The following LPAR3 variants were observed in gnomAD, a reference collection of about 807,000 sequenced individuals.
The protein encoded by LPAR3 is lysophosphatidic acid receptor 3.
In LPAR3, 7 loss-of-function variants were observed where a neutral mutation model predicts 17.8. The observed-to-expected ratio is 0.39, with a 90% CI of 0.22 to 0.74. LPAR3 has a LOEUF of 0.74. LPAR3 is among the 30% of genes least tolerant of loss of function. LPAR3 has a pLI of 0.40. For missense variants in LPAR3, 391 were observed against 453.4 expected, an observed-to-expected ratio of 0.86 and a Z score of 1.25; for synonymous variants, 179 against 179.9, an observed-to-expected ratio of 0.99 and a Z score of 0.04.
intron 2 of LPAR3, among the ~76,000 whole-genome samples, chr1:84,834,445 G>A (rs529142747): frequency 1.3e-5 from 2 of 152,306 alleles, no homozygotes; most frequent in South Asian, 2.1e-4. Flanking sequence ...GAGCAGAAGT[G>A]ATGTTACTAT....
chr1:84,850,226 C>A (rs1659674897), intron 2 of LPAR3, among the ~76,000 whole-genome samples: 1 of 151,732 alleles, frequency 6.6e-6, no homozygotes, highest in Admixed American at 6.6e-5. Flanking sequence ...GGAACCCCCT[C>A]CCATGTAACC....
chr1:84,851,183 T>C (rs969693747), intron 2 of LPAR3, among the ~76,000 whole-genome samples: 1 of 152,248 alleles, frequency 6.6e-6, no homozygotes, highest in Non-Finnish European at 1.5e-5. Context: ...AAATCCCTTT[T>C]TTCTCAATAG....
chr1:84,866,077 T>C lies in LPAR3; in HGVS notation c.44A>G (p.Asn15Ser), dbSNP rs1308366812. Reference sequence around the variant, plus strand: ...ATCGACAGTATCAGTGTTGCTCCTATTATAAAAAAAGTCCATGTGCTTGTC... The same window carrying C: ...ATCGACAGTATCAGTGTTGCTCCTACTATAAAAAAAGTCCATGTGCTTGTC... ...HYDKHMDFFY[N>S]RSNTDTVDDW... Residue 15 changes from asparagine to serine, a missense_variant, in exon 2 of 3, where the codon AAT (asparagine) becomes AGT (serine). Asn to Ser is a conservative substitution (Grantham distance 46). Transcript: ENST00000370611. The C allele has an allele frequency of 8.1e-6, 13 of 1,602,234 alleles. No homozygotes were observed. The highest frequency in any genetic ancestry group is 1.7e-4 in the Middle Eastern group (1 of 5,994).
intron 2 of LPAR3, among the ~76,000 whole-genome samples, chr1:84,826,809 C>G (rs1232606801): frequency 6.6e-6 from 1 of 152,134 alleles, no homozygotes; most frequent in African/African-American, 2.4e-5. Flanking sequence ...ATGATTTTTA[C>G]CTCTTCCTTA....
intron 2 of LPAR3, among the ~76,000 whole-genome samples, chr1:84,852,680 T>A (rs1190879521): frequency 6.6e-6 from 1 of 151,904 alleles, no homozygotes; most frequent in African/African-American, 2.4e-5. Flanking sequence ...TAAAATCACC[T>A]GGAAAGAACT....
At chr1:84,868,660 T>C (rs1660101040) in intron 1 of LPAR3, among the ~76,000 whole-genome samples, 2 of 152,098 alleles carry the variant, frequency 1.3e-5, no homozygotes, top group African/African-American at 4.8e-5. Flanking sequence ...GGGAAGTGAA[T>C]GGGATTAGTG....
chr1:84,864,999 C>G (rs1396588958), intron 2 of LPAR3, among the ~76,000 whole-genome samples: 1 of 151,982 alleles, frequency 6.6e-6, no homozygotes, highest in African/African-American at 2.4e-5. Flanking sequence ...CCCCAGACAC[C>G]AGTATGGTTC....
At chr1:84,858,778 T>A (rs1352640535) in intron 2 of LPAR3, among the ~76,000 whole-genome samples, 1 of 152,190 alleles carries the variant, frequency 6.6e-6, no homozygotes, top group Non-Finnish European at 1.5e-5. Flanking sequence ...GTCCCTGACT[T>A]CGAAGGGTGT....
intron 2 of LPAR3, among the ~76,000 whole-genome samples, chr1:84,833,162 A>G: frequency 6.6e-6 from 1 of 152,302 alleles, no homozygotes; most frequent in East Asian, 1.9e-4. Flanking sequence ...AAACTGTGGA[A>G]CTAAAGATAT....
chr1:84,839,762 G>C (rs2102753916), intron 2 of LPAR3, among the ~76,000 whole-genome samples: 1 of 152,316 alleles, frequency 6.6e-6, no homozygotes, highest in African/African-American at 2.4e-5. Flanking sequence ...CAGGACCAAA[G>C]TGCACTCAAA....
chr1:84,850,854 T>C (rs188627534), intron 2 of LPAR3, among the ~76,000 whole-genome samples: 19 of 152,300 alleles, frequency 1.2e-4, no homozygotes, highest in East Asian at 9.7e-4. Context: ...CCAGGTGACA[T>C]AGAACGAGTT....
intron 1 of LPAR3, among the ~76,000 whole-genome samples, chr1:84,886,111 A>G (rs372139532): frequency 3.9e-5 from 6 of 152,206 alleles, no homozygotes; most frequent in African/African-American, 1.4e-4. Flanking sequence ...TACAATTCTC[A>G]TATTGCATAT....
At chr1:84,853,236 A>T (rs10127586) in intron 2 of LPAR3, among the ~76,000 whole-genome samples, 8,618 of 152,256 alleles carry the variant, frequency 0.057, 307 homozygotes, top group African/African-American at 0.092. Context: ...AAGCAAGAAT[A>T]AGGACAAGAG....
At chr1:84,872,465 C>G (rs1570899474) in intron 1 of LPAR3, among the ~76,000 whole-genome samples, 1 of 152,018 alleles carries the variant, frequency 6.6e-6, no homozygotes, top group African/African-American at 2.4e-5. Context: ...GTATGAACAC[C>G]AGAAACAAAG....
chr1:84,848,928 G>A (rs17369401), intron 2 of LPAR3, among the ~76,000 whole-genome samples: 19,058 of 152,112 alleles, frequency 0.13, 1,401 homozygotes, highest in Middle Eastern at 0.24. Flanking sequence ...AACTCAGTAC[G>A]TCTCTGGAGC....
rs140917406 is a variant in LPAR3, at chr1:84,852,276, T to G, written c.736+13109A>C. On this transcript the variant is annotated intron_variant, in intron 2 of 2. Coordinates refer to ENST00000370611, the MANE Select transcript of LPAR3 (RefSeq NM_012152.3). ...TTTTGTATTTTTAGTAGATGGGGTT[T>G]CACCATGTTGGCCAGGATGGTCTCG... is the stretch of plus-strand genomic sequence containing the variant. 2.7e-3 allele frequency among the ~76,000 whole-genome samples: 413 copies of G among 152,244 alleles called. 4 individuals are homozygous for G. Among genetic ancestry groups the G allele is most frequent in the South Asian group, 0.014 (67 of 4,818 alleles).
At chr1:84,823,547 T>A (rs921325356) in intron 2 of LPAR3, among the ~76,000 whole-genome samples, 1 of 152,178 alleles carries the variant, frequency 6.6e-6, no homozygotes, top group African/African-American at 2.4e-5. Flanking sequence ...TTTAGATACT[T>A]GTTTTAAACT....
At chr1:84,871,361 G>A (rs1012679760) in intron 1 of LPAR3, among the ~76,000 whole-genome samples, 1 of 152,192 alleles carries the variant, frequency 6.6e-6, no homozygotes, top group Non-Finnish European at 1.5e-5. Context: ...AGCCCAGAAT[G>A]TGGAAACAAT....
intron 2 of LPAR3, among the ~76,000 whole-genome samples, chr1:84,827,615 A>T (rs1397666789): frequency 6.6e-6 from 1 of 152,136 alleles, no homozygotes; most frequent in Non-Finnish European, 1.5e-5. Flanking sequence ...CTCATGATGC[A>T]GCCATACCCG....
Sources: gnomAD v4.1 joint callset for allele counts (sites outside exome capture counted in the v4.1 genomes callset) on GRCh38, gnomAD v4.1.1 for gene constraint, MANE v1.5 for transcripts, NCBI Gene and HGNC (gene_info 2026-07-23, HGNC 2026-07-21) for gene names.